Variants in HCRTR1 observed in about 807,000 individuals in gnomAD.
HCRTR1 encodes the protein orexin/Hypocretin receptor type 1.
Under a neutral mutation model 40.6 loss-of-function variants are expected in HCRTR1, and 28 were observed. The ratio of observed to expected loss-of-function variants is 0.69; its 90% CI spans 0.51 to 0.95. The LOEUF (loss-of-function observed/expected upper bound fraction) is 0.95. Ranked by LOEUF, HCRTR1 falls within the 40% of genes least tolerant of loss-of-function variation. HCRTR1 has a pLI of 0.00. For synonymous variants in HCRTR1, 209 were observed against 230.0 expected (o/e 0.91, Z 0.83); for missense variants, 482 against 564.7 (o/e 0.85, Z 1.48).
downstream of HCRTR1, among the ~76,000 whole-genome samples, chr1:31,627,926 C>T (rs1351947915): frequency 6.6e-6 from 1 of 152,236 alleles, no homozygotes; most frequent in Non-Finnish European, 1.5e-5. Flanking sequence ...GGCTGATTTA[C>T]TGTTATCTTC....
In HCRTR1 at chr1:31,626,393, A is replaced by T. The variant is rs374910292; in HGVS notation, c.1088-397A>T. 1.2e-3 allele frequency among the ~76,000 whole-genome samples: 186 copies of T among 152,320 alleles called. No homozygotes were observed. The highest frequency in any genetic ancestry group is 4.2e-3 in the African/African-American group (176 of 41,562). On this transcript the variant is annotated intron_variant, in intron 8 of 8. Coordinates refer to ENST00000403528, the MANE Select transcript of HCRTR1 (RefSeq NM_001525.3). This position sits in a 1 kb window ranked among gnomAD's most constrained non-coding sequence, Gnocchi z 4.6. ...CCAGCACAGCGTGACTGCCAAATGCAAAAGGGCTGCTGCTGCCGTCATTTT... is the reference window on the plus strand; with the variant it reads ...CCAGCACAGCGTGACTGCCAAATGCTAAAGGGCTGCTGCTGCCGTCATTTT...
intron 6 of HCRTR1, among the ~76,000 whole-genome samples, chr1:31,622,702 C>T (rs1032487414): frequency 2.0e-5 from 3 of 152,138 alleles, no homozygotes; most frequent in East Asian, 1.9e-4. Context: ...TTTGAGTGTC[C>T]GGTGGCAGGA....
chr1:31,621,255 G>A (rs1335824087), intron 5 of HCRTR1, among the ~76,000 whole-genome samples, 169 bp downstream of exon 5: 2 of 152,142 alleles, frequency 1.3e-5, no homozygotes, highest in Non-Finnish European at 1.5e-5. Context: ...CCCAGGGTGG[G>A]TGCCTCCCCT....
In HCRTR1 at chr1:31,626,938, T is replaced by C; in HGVS notation, c.1236T>C (p.Ser412=). The part of the protein sequence containing the change: ...LQSRCSISKI[S]EHVVLTSVTT... Reference sequence around the variant, plus strand: ...GCCGATGCTCCATCTCCAAAATCTCTGAGCATGTGGTGCTCACCAGCGTCA... The same window carrying C: ...GCCGATGCTCCATCTCCAAAATCTCCGAGCATGTGGTGCTCACCAGCGTCA... Residue 412 remains serine (S), a synonymous_variant, in exon 9 of 9, where the codon TCT becomes TCC. Transcript: ENST00000403528. This position sits in a 1 kb window ranked among gnomAD's most constrained non-coding sequence, Gnocchi z 4.6. The C allele has an allele frequency of 6.2e-7, 1 of 1,613,542 alleles. No homozygotes were observed. Among genetic ancestry groups the C allele is most frequent in the Non-Finnish European group, 8.5e-7 (1 of 1,179,982 alleles).
At position 31,619,123 on chromosome 1, in the gene HCRTR1, C is replaced by G. The variant is rs41348444; in HGVS notation, c.-70C>G. On this transcript the variant is annotated 5_prime_UTR_variant, in exon 3 of 9. Coordinates refer to ENST00000403528, the MANE Select transcript of HCRTR1 (RefSeq NM_001525.3). ...CACCCTGAAGGGAGTGGGCTGAGGG[C>G]TGGCCCAAGCTCCCTCCTCTCCCTC... 1.1e-3 allele frequency: 1,567 copies of G among 1,396,690 alleles called. 16 individuals carry two copies. In the African/African-American group the frequency reaches 0.02, roughly 18 times the overall value. The allele number at this position is 1,396,690 out of a possible 1,614,324, so 86.5% of individuals were successfully genotyped here. A position where few individuals can be genotyped will look rare whatever the true frequency, so the allele number is the denominator to read the frequency against.
chr1:31,624,909 T>C, intron 7 of HCRTR1, 88 bp from the exon 8 acceptor site: 1 of 1,400,972 alleles, frequency 7.1e-7, no homozygotes, highest in South Asian at 1.5e-5. Context: ...ACTCTTGCAC[T>C]TTACAGCTCA....
At chr1:31,628,713 G>A (rs1340524984), downstream of HCRTR1, among the ~76,000 whole-genome samples, 1 of 152,246 alleles carries the variant, frequency 6.6e-6, no homozygotes, top group Non-Finnish European at 1.5e-5. Context: ...AGCACCATGG[G>A]GGGCCTCAGC....
chr1:31,622,483 C>T (rs1639876754), intron 6 of HCRTR1, among the ~76,000 whole-genome samples: 1 of 152,056 alleles, frequency 6.6e-6, no homozygotes, highest in African/African-American at 2.4e-5. Flanking sequence ...GACTGGCCAG[C>T]CCTGTAGTCC....
At chr1:31,628,771 T>A (rs774514783), downstream of HCRTR1, among the ~76,000 whole-genome samples, 4 of 151,534 alleles carry the variant, frequency 2.6e-5, no homozygotes, top group Non-Finnish European at 4.4e-5. Context: ...TCAGGGGAGG[T>A]GACCAGGATG....
At chr1:31,623,061 G>T (rs1249123748) in intron 6 of HCRTR1, among the ~76,000 whole-genome samples, 1 of 152,168 alleles carries the variant, frequency 6.6e-6, no homozygotes, top group Non-Finnish European at 1.5e-5. Flanking sequence ...GGGCGCAGTG[G>T]CTCACACCTG....
chr1:31,630,179 G>T, downstream of HCRTR1: 1 of 241,970 alleles, frequency 4.1e-6, no homozygotes, highest in South Asian at 5.8e-5. Flanking sequence ...CTCATGCTTG[G>T]TCAGATTCCA....
downstream of HCRTR1, chr1:31,633,155 T>C (rs764021323): frequency 2.5e-6 from 4 of 1,612,468 alleles, no homozygotes; most frequent in Non-Finnish European, 2.5e-6. Flanking sequence ...AGGCGGAGAC[T>C]CACTTATCAT....
rs761614745 is a variant in HCRTR1, at chr1:31,626,350, G to A, written c.1088-440G>A. Among the ~76,000 whole-genome samples the A allele has an allele frequency of 1.4e-4, 21 of 152,208 alleles. No individual in the cohort carries two copies. Among genetic ancestry groups the A allele is most frequent in the Non-Finnish European group, 1.9e-4 (13 of 68,040 alleles). ...TTTCAGGGTGCTGGGATGCTCTGGC[G>A]GACAGAGGCTGAGGCGCCCAGCACA... On this transcript the variant is annotated intron_variant, in intron 8 of 8. Transcript: ENST00000403528. The surrounding 1 kb of genome is among the most constrained non-coding windows in gnomAD (Gnocchi z 4.6).
At position 31,617,783 on chromosome 1, in the gene HCRTR1, C is replaced by T. The variant is rs1639762475; in HGVS notation, c.-302C>T. The T allele has an allele frequency of 1.3e-5, 2 of 152,142 alleles. No individual in the cohort carries two copies. Among genetic ancestry groups the T allele is most frequent in the African/African-American group, 4.8e-5 (2 of 41,442 alleles). The allele number at this position is 152,142 out of a possible 1,614,324, so 9.4% of individuals were successfully genotyped here. Reference sequence around the variant, plus strand: ...CTGCCCCGGCCCCCTCCTGCAGTCCCGGCCCCTAGAGGCTCGGCCTTCCTC... The same window carrying T: ...CTGCCCCGGCCCCCTCCTGCAGTCCTGGCCCCTAGAGGCTCGGCCTTCCTC... On this transcript the variant is annotated 5_prime_UTR_variant, in exon 1 of 9. Coordinates refer to ENST00000403528, the MANE Select transcript of HCRTR1 (RefSeq NM_001525.3).
At chr1:31,628,704 G>A (rs904365099), downstream of HCRTR1, among the ~76,000 whole-genome samples, 4 of 152,256 alleles carry the variant, frequency 2.6e-5, no homozygotes, top group African/African-American at 9.6e-5. Flanking sequence ...GCTGAACCCA[G>A]CACCATGGGG....
intron 7 of HCRTR1, 111 bp downstream of exon 7, chr1:31,623,860 G>A: frequency 1.3e-6 from 1 of 756,392 alleles, no homozygotes; most frequent in Non-Finnish European, 2.2e-6. Context: ...TGTGATCTTG[G>A]GCAGGCCATT....
Position 31,626,989 on chromosome 1 carries a change from T to G in HCRTR1, c.*9T>G. The G allele has an allele frequency of 5.0e-6, 8 of 1,604,314 alleles. No individual in the cohort carries two copies. Among genetic ancestry groups the G allele is most frequent in the Non-Finnish European group, 6.8e-6 (8 of 1,175,138 alleles). On this transcript the variant is annotated 3_prime_UTR_variant, in exon 9 of 9. Coordinates refer to ENST00000403528, the MANE Select transcript of HCRTR1 (RefSeq NM_001525.3). The surrounding 1 kb of genome is among the most constrained non-coding windows in gnomAD (Gnocchi z 4.6). Reference sequence around the variant, plus strand: ...CCACAGTGCTGCCCTGAGCGAGGGCTGCCCTGGAGGCTCCGGCTCGGGGGA... The same window carrying G: ...CCACAGTGCTGCCCTGAGCGAGGGCGGCCCTGGAGGCTCCGGCTCGGGGGA...
intron 4 of HCRTR1, among the ~76,000 whole-genome samples, chr1:31,620,317 C>T (rs575315174): frequency 6.2e-4 from 94 of 152,362 alleles, no homozygotes; most frequent in African/African-American, 2.2e-3. Flanking sequence ...TTTTTCCTAA[C>T]AGCCTGGGGA....
chr1:31,623,804 C>G (rs926501892), intron 7 of HCRTR1, 55 bp downstream of exon 7: 4 of 1,362,850 alleles, frequency 2.9e-6, no homozygotes, highest in Admixed American at 3.9e-5. Flanking sequence ...GGGGAAGGAG[C>G]TCTCCTTGCT....
Sources: allele counts gnomAD v4.1 joint callset (sites outside exome capture counted in the v4.1 genomes callset), GRCh38; gene constraint gnomAD v4.1.1; non-coding constraint Gnocchi (gnomAD v3.1); transcripts MANE v1.5; gene names NCBI Gene and HGNC (gene_info 2026-07-23, HGNC 2026-07-21).